The following GRIK3 variants were observed in gnomAD, a reference collection of about 807,000 sequenced individuals.
GRIK3 encodes the protein glutamate receptor ionotropic, kainate 3.
Under a neutral mutation model 102.5 loss-of-function variants are expected in GRIK3, and 29 were observed. That is an observed-to-expected ratio of 0.28 (90% CI 0.21 to 0.39). The LOEUF (loss-of-function observed/expected upper bound fraction) is 0.39, where lower values mean the gene tolerates loss of function less well. Among genes scored for constraint, GRIK3 ranks in the 10% least tolerant of loss-of-function variants. The pLI is 1.00. For synonymous variants in GRIK3, 511 were observed against 504.9 expected (o/e 1.01, Z -0.16); for missense variants, 908 against 1,252.4 (o/e 0.73, Z 4.15).
chr1:36,854,344 A>G (rs945761366), intron 7 of GRIK3, among the ~76,000 whole-genome samples: 2 of 152,220 alleles, frequency 1.3e-5, no homozygotes, highest in Non-Finnish European at 2.9e-5. Flanking sequence ...ACCAAATGCT[A>G]TAAGGGTGAA....
Position 36,817,072 on chromosome 1 carries a change from C to A in GRIK3, c.2079G>T (p.Met693Ile). The change falls in exon 13 of 16, where the codon ATG (methionine) becomes ATT (isoleucine). Residue 693 changes from methionine (M) to isoleucine (I), a missense_variant. By Grantham distance (10) the Met-to-Ile change is conservative. Coordinates refer to ENST00000373091, the MANE Select transcript of GRIK3 (RefSeq NM_000831.4). Reference protein sequence around the residue: ...EYGAVKDGATMTFFKKSKIST... With the variant: ...EYGAVKDGATITFFKKSKIST... ...GAGAGGGCCTCACCTTGAAGAAGGT[C>A]ATGGTGGCCCCATCCTTGACAGCCC... The A allele has an allele frequency of 6.2e-7, 1 of 1,613,146 alleles. No individual in the cohort carries two copies. Among genetic ancestry groups the A allele is most frequent in the East Asian group, 2.2e-5 (1 of 44,866 alleles).
chr1:36,844,070 G>A (rs957439617), intron 9 of GRIK3, among the ~76,000 whole-genome samples: 1 of 152,210 alleles, frequency 6.6e-6, no homozygotes, highest in Non-Finnish European at 1.5e-5. Context: ...GCAAGCTTGA[G>A]CCTTTGGCCC....
chr1:36,942,987 T>C (rs183958403), intron 1 of GRIK3, among the ~76,000 whole-genome samples: 11 of 152,236 alleles, frequency 7.2e-5, no homozygotes, highest in African/African-American at 2.6e-4. Flanking sequence ...TACATGAAGC[T>C]ATGTGGCAGG....
intron 6 of GRIK3, 130 bp downstream of exon 6, chr1:36,859,714 G>A: frequency 1.3e-6 from 1 of 747,030 alleles, no homozygotes; most frequent in Admixed American, 2.3e-5. Flanking sequence ...CTAGCCTGGG[G>A]TCTGGCTGAC....
chr1:36,950,315 T>G (rs113876494), intron 1 of GRIK3, among the ~76,000 whole-genome samples: 7 of 152,290 alleles, frequency 4.6e-5, no homozygotes, highest in African/African-American at 1.4e-4. Flanking sequence ...TTGAATAACA[T>G]AAAGAAGTTA....
intron 9 of GRIK3, among the ~76,000 whole-genome samples, chr1:36,843,819 T>C (rs1254756702): frequency 6.6e-6 from 1 of 152,204 alleles, no homozygotes. Flanking sequence ...CTTCAGTGGC[T>C]GTGTGACCAT....
intron 13 of GRIK3, among the ~76,000 whole-genome samples, chr1:36,812,951 A>G (rs1467449388): frequency 6.6e-6 from 1 of 152,176 alleles, no homozygotes; most frequent in Non-Finnish European, 1.5e-5. Context: ...CTTTCACTCA[A>G]TAACAGTATC....
intron 1 of GRIK3, among the ~76,000 whole-genome samples, chr1:36,944,111 A>G (rs1641756908): frequency 6.6e-6 from 1 of 152,222 alleles, no homozygotes; most frequent in Non-Finnish European, 1.5e-5. Flanking sequence ...CCTGGGATAC[A>G]TACAGCTCAA....
Position 36,890,076 on chromosome 1 carries a change from G to A in GRIK3, c.292+844C>T, listed in dbSNP as rs190702908. 1.9e-4 allele frequency among the ~76,000 whole-genome samples: 29 copies of A among 152,230 alleles called. No individual in the cohort carries two copies. The East Asian group carries it at 4.8e-3, about 25-fold the overall frequency. ...ACACAACAGCAGAGAGAGGGGTCAC[G>A]GGTGAAGGATCACTCTTCGGATGAT... On this transcript the variant is annotated intron_variant, in intron 2 of 15. Coordinates refer to ENST00000373091, the MANE Select transcript of GRIK3 (RefSeq NM_000831.4).
intron 10 of GRIK3, 152 bp downstream of exon 10, chr1:36,841,584 G>A (rs1227017458): frequency 1.5e-6 from 1 of 671,682 alleles, no homozygotes; most frequent in Non-Finnish European, 2.6e-6. Flanking sequence ...CTTCAGCTGA[G>A]GCCCCCCAGT....
In GRIK3 at chr1:36,880,689, G is replaced by A. The variant is rs112524981; in HGVS notation, c.495C>T (p.Asp165=). 1.2e-4 allele frequency: 195 copies of A among 1,614,130 alleles called. 2 individuals carry two copies. In the African/African-American group the frequency reaches 2.1e-3, roughly 17 times the overall value. ...ACCGCCACTTGAGGTACTGGACCAG[G>A]TCGAGGATGGCATGGCTGAGCGAGG... is the stretch of plus-strand genomic sequence containing the variant. The part of the protein sequence containing the change: ...DYASLSHAIL[D]LVQYLKWRSA... Residue 165 remains aspartate, a synonymous_variant, in exon 3 of 16, where the codon GAC becomes GAT. Coordinates refer to ENST00000373091, the MANE Select transcript of GRIK3 (RefSeq NM_000831.4). This position sits in a 1 kb window ranked among gnomAD's most constrained non-coding sequence, Gnocchi z 5.4.
At chr1:36,903,512 A>C (rs1641253360) in intron 1 of GRIK3, among the ~76,000 whole-genome samples, 1 of 152,262 alleles carries the variant, frequency 6.6e-6, no homozygotes, top group Admixed American at 6.5e-5. Context: ...AAAAGCCTGC[A>C]CATGGATGTG....
rs925383786 is a variant in GRIK3, at chr1:36,976,046, G to A, written c.115+57948C>T. On this transcript the variant is annotated intron_variant, in intron 1 of 15. Coordinates refer to ENST00000373091, the MANE Select transcript of GRIK3 (RefSeq NM_000831.4). ...AAGAAGCAGAAGAGCATCCCAAGGA[G>A]CAACCCAAAGTAGGAAGACCTGTGA... 9.2e-5 allele frequency among the ~76,000 whole-genome samples: 14 copies of A among 152,330 alleles called. No individual in the cohort carries two copies. In the East Asian group the frequency reaches 2.7e-3, roughly 29 times the overall value.
chr1:36,873,622 C>G (rs1402867992), intron 3 of GRIK3, among the ~76,000 whole-genome samples: 1 of 152,072 alleles, frequency 6.6e-6, no homozygotes, highest in Non-Finnish European at 1.5e-5. Context: ...ACACAGTTCA[C>G]ACAGCATGTC....
At chr1:36,926,736 A>G (rs1641532057) in intron 1 of GRIK3, among the ~76,000 whole-genome samples, 1 of 152,112 alleles carries the variant, frequency 6.6e-6, no homozygotes, top group South Asian at 2.1e-4. Flanking sequence ...TTGAAAAGGA[A>G]TCTGCTATTG....
chr1:36,909,294 CTT>C (rs112156014), intron 1 of GRIK3, among the ~76,000 whole-genome samples: 61 of 139,626 alleles, frequency 4.4e-4, no homozygotes, highest in African/African-American at 1.3e-3. Context: ...CAAATCAGGG[CTT>C]TTTTTTTTTT....
chr1:36,945,819 G>A (rs1468795006), intron 1 of GRIK3, among the ~76,000 whole-genome samples: 1 of 152,164 alleles, frequency 6.6e-6, no homozygotes, highest in African/African-American at 2.4e-5. Context: ...CTGATGAATG[G>A]GGACTCTGGA....
At chr1:36,998,903 G>A (rs1195649895) in intron 1 of GRIK3, among the ~76,000 whole-genome samples, 1 of 152,132 alleles carries the variant, frequency 6.6e-6, no homozygotes, top group Non-Finnish European at 1.5e-5. Flanking sequence ...GTGATTGAAT[G>A]TCCATCTAGC....
chr1:36,871,494 C>T (rs1045436466), intron 4 of GRIK3, among the ~76,000 whole-genome samples: 2 of 152,236 alleles, frequency 1.3e-5, no homozygotes, highest in African/African-American at 4.8e-5. Context: ...TTACACAAAG[C>T]GCCAGCTCAA....
Sources: gnomAD v4.1 joint callset for allele counts (sites outside exome capture counted in the v4.1 genomes callset) on GRCh38, gnomAD v4.1.1 for gene constraint, Gnocchi (gnomAD v3.1) non-coding constraint, MANE v1.5 for transcripts, NCBI Gene and HGNC (gene_info 2026-07-23, HGNC 2026-07-21) for gene names.